The following HSDL2 variants were observed in gnomAD, a reference collection of about 807,000 sequenced individuals.
The protein encoded by HSDL2 is hydroxysteroid dehydrogenase-like protein 2.
Under a neutral mutation model 46.3 loss-of-function variants are expected in HSDL2, and 27 were observed. The observed-to-expected ratio is 0.58, with a 90% CI of 0.43 to 0.80. The LOEUF (loss-of-function observed/expected upper bound fraction) is 0.80. Ranked by LOEUF, HSDL2 falls within the 30% of genes least tolerant of loss-of-function variation. The pLI is 0.00. For synonymous variants in HSDL2, 153 were observed against 163.6 expected (o/e 0.94, Z 0.50); for missense variants, 451 against 502.7 (o/e 0.90, Z 0.98).
At chr9:112,449,652 T>G (rs1832835464) in intron 8 of HSDL2, among the ~76,000 whole-genome samples, 1 of 151,986 alleles carries the variant, frequency 6.6e-6, no homozygotes, top group South Asian at 2.1e-4. Context: ...TTGTCTGAGC[T>G]CCGGTGTTCA....
chr9:112,444,674 G>A (rs971623121), intron 8 of HSDL2, among the ~76,000 whole-genome samples: 1 of 151,500 alleles, frequency 6.6e-6, no homozygotes, highest in African/African-American at 2.4e-5. Context: ...GGAGTTTGAG[G>A]TTGTAATGAG....
chr9:112,408,985 T>G lies in HSDL2; in HGVS notation c.359T>G (p.Leu120Arg). Reference sequence around the variant, plus strand: ...GACACACCTACCAAGAGATTGGATCTGATGATGAACGTGAACACCAGAGGC... The same window carrying G: ...GACACACCTACCAAGAGATTGGATCGGATGATGAACGTGAACACCAGAGGC... Reference protein sequence around the residue: ...TLDTPTKRLDLMMNVNTRGTY... With the variant: ...TLDTPTKRLDRMMNVNTRGTY... Residue 120 changes from leucine to arginine, a missense_variant, in exon 4 of 11, where the codon CTG becomes CGG. Transcript: ENST00000398805. 6.2e-7 allele frequency: 1 copy of G among 1,609,258 alleles called. No individual in the cohort carries two copies. The highest frequency in any genetic ancestry group is 2.2e-5 in the East Asian group (1 of 44,666).
At chr9:112,463,229 T>G (rs774532714) in intron 10 of HSDL2, among the ~76,000 whole-genome samples, 1 of 151,882 alleles carries the variant, frequency 6.6e-6, no homozygotes, top group Non-Finnish European at 1.5e-5. Context: ...AGAATGGAAT[T>G]GCTAGGTCAT....
chr9:112,464,159 G>C (rs897228962), intron 10 of HSDL2, among the ~76,000 whole-genome samples: 4 of 151,732 alleles, frequency 2.6e-5, no homozygotes, highest in Admixed American at 6.6e-5. Context: ...TTGAGGCCAG[G>C]AGTATGAGAC....
rs541238344 is a variant in HSDL2, at chr9:112,416,432, A to T, written c.396-409A>T. 1.0e-4 allele frequency among the ~76,000 whole-genome samples: 15 copies of T among 146,142 alleles called. No homozygotes were observed. The South Asian group carries it at 1.7e-3, about 17-fold the overall frequency. On this transcript the variant is annotated intron_variant, in intron 4 of 10. Transcript: ENST00000398805. ...AACAGAGAGACCCTGTCTTAAAATT[A>T]AAAAAAAAAACAAACAAAAAAAAAG...
rs1206992982 is a variant in HSDL2 at position 112,459,008 on chromosome 9, AAAAAC to A, written c.1016-436_1016-432del. On this transcript the variant is annotated intron_variant, in intron 9 of 10. Coordinates refer to ENST00000398805, the MANE Select transcript of HSDL2 (RefSeq NM_032303.5). ...AAAAAAAGAAAAGAAAAAGAAAACA[AAAAAC>A]AAAAACAAAAACAAAAACAAAACAA... Among the ~76,000 whole-genome samples, 230 of 150,430 alleles carry A rather than the reference AAAAAC, an allele frequency of 1.5e-3. 7 individuals are homozygous for A. The South Asian group carries it at 0.039, about 25-fold the overall frequency.
chr9:112,454,038 G>A lies in HSDL2; in HGVS notation c.891G>A (p.Glu297=), dbSNP rs1187998910. The A allele has an allele frequency of 2.4e-5, 39 of 1,613,780 alleles. No homozygotes were observed. Among genetic ancestry groups the A allele is most frequent in the Non-Finnish European group, 2.9e-5 (34 of 1,179,932 alleles). The change falls in exon 9 of 11, where the codon GAG becomes GAA. Residue 297 remains glutamate, a synonymous_variant. Coordinates refer to ENST00000398805, the MANE Select transcript of HSDL2 (RefSeq NM_032303.5). The stretch of plus-strand genomic sequence containing the variant: ...GTGCTGTTCCAGAATTCAAAGAAGA[G>A]AAACTGCAGCTGCAACCAAAACCAC... The part of the protein sequence containing the change: ...STGAVPEFKE[E]KLQLQPKPRS...
At chr9:112,408,582 A>G (rs866339558) in intron 3 of HSDL2, among the ~76,000 whole-genome samples, 3 of 152,332 alleles carry the variant, frequency 2.0e-5, no homozygotes, top group Admixed American at 6.5e-5. Flanking sequence ...AGTCTAGCTG[A>G]CCACATACCT....
chr9:112,454,140 A>C lies in HSDL2; in HGVS notation c.993A>C (p.Ala331=). 6.2e-7 allele frequency: 1 copy of C among 1,613,778 alleles called. No homozygotes were observed. Among genetic ancestry groups the C allele is most frequent in the Non-Finnish European group, 8.5e-7 (1 of 1,179,888 alleles). Residue 331 remains alanine (A), a synonymous_variant, in exon 9 of 11, where the codon GCA becomes GCC. Coordinates refer to ENST00000398805, the MANE Select transcript of HSDL2 (RefSeq NM_032303.5). ...LSDDVVKATQ[A]IYLFELSGED... is the part of the protein sequence containing the mutation. ...ATGATGTTGTTAAAGCCACTCAAGC[A>C]ATCTATCTGTTTGAACTCTCCGGTA...
chr9:112,403,646 CAA>C (rs572222812), intron 1 of HSDL2, among the ~76,000 whole-genome samples: 2 of 136,870 alleles, frequency 1.5e-5, no homozygotes. Flanking sequence ...TCCCACCACT[CAA>C]AAAAAAAAAG....
chr9:112,463,962 C>G (rs970523549), intron 10 of HSDL2, among the ~76,000 whole-genome samples: 1 of 151,984 alleles, frequency 6.6e-6, no homozygotes, highest in Non-Finnish European at 1.5e-5. Flanking sequence ...TGCCCAGCCT[C>G]GTGTGGTTTT....
At chr9:112,438,872 A>G in intron 7 of HSDL2, 1 of 257,872 alleles carries the variant, frequency 3.9e-6, no homozygotes, top group Non-Finnish European at 7.2e-6. Flanking sequence ...AGAAAGTCAG[A>G]TCAGTTACTA....
chr9:112,444,327 C>T (rs1019052993), intron 8 of HSDL2, among the ~76,000 whole-genome samples: 2 of 152,192 alleles, frequency 1.3e-5, no homozygotes, highest in Non-Finnish European at 2.9e-5. Flanking sequence ...ACCCCTGTTA[C>T]CATTTCATTA....
chr9:112,408,716 G>C (rs915408264), intron 3 of HSDL2, among the ~76,000 whole-genome samples, 191 bp from the exon 4 acceptor site: 3 of 152,098 alleles, frequency 2.0e-5, no homozygotes, highest in Non-Finnish European at 4.4e-5. Flanking sequence ...AGACAGAAAA[G>C]AGATAAAATA....
chr9:112,435,177 G>T (rs62570029), intron 6 of HSDL2, among the ~76,000 whole-genome samples: 19,483 of 151,974 alleles, frequency 0.13, 1,765 homozygotes, highest in East Asian at 0.2. Context: ...TTCCTAGAAA[G>T]ATTGTTAAAG....
intron 10 of HSDL2, chr9:112,469,829 G>A (rs763296036): frequency 3.9e-5 from 6 of 152,048 alleles, no homozygotes; most frequent in Non-Finnish European, 2.9e-5. Flanking sequence ...GATAGACCCC[G>A]TACTGACACT....
At chr9:112,420,082 T>C (rs1832085156) in intron 6 of HSDL2, among the ~76,000 whole-genome samples, 1 of 152,220 alleles carries the variant, frequency 6.6e-6, no homozygotes, top group African/African-American at 2.4e-5. Context: ...AGATGGCTCA[T>C]GCCATCCCAA....
chr9:112,466,212 A>G (rs968414260), intron 10 of HSDL2, among the ~76,000 whole-genome samples: 2 of 152,182 alleles, frequency 1.3e-5, no homozygotes, highest in Non-Finnish European at 2.9e-5. Flanking sequence ...TGTCCCTTCA[A>G]GTCCTTTGCC....
At position 112,454,017 on chromosome 9, in the gene HSDL2, T is replaced by C; in HGVS notation, c.870T>C (p.Ala290=). 6.2e-7 allele frequency: 1 copy of C among 1,613,552 alleles called. No individual in the cohort carries two copies. Among genetic ancestry groups the C allele is most frequent in the Non-Finnish European group, 8.5e-7 (1 of 1,179,758 alleles). ...AVSKKVESTG[A]VPEFKEEKLQ... is the part of the protein sequence containing the mutation. The stretch of plus-strand genomic sequence containing the variant: ...TGCTTCAATAATATCTTATAGGTGC[T>C]GTTCCAGAATTCAAAGAAGAGAAAC... Residue 290 remains alanine (A), a synonymous_variant, in exon 9 of 11, where the codon GCT becomes GCC. Transcript: ENST00000398805.
Sources: gnomAD v4.1 joint callset for allele counts (sites outside exome capture counted in the v4.1 genomes callset) on GRCh38, gnomAD v4.1.1 for gene constraint, MANE v1.5 for transcripts, NCBI Gene and HGNC (gene_info 2026-07-23, HGNC 2026-07-21) for gene names.